The following COP1 variants were observed in gnomAD, a reference collection of about 807,000 sequenced individuals.
COP1 encodes the protein COP1 E3 ubiquitin ligase, also known as E3 ubiquitin-protein ligase COP1.
In COP1, 24 loss-of-function variants were observed where a neutral mutation model predicts 101.3. That is an observed-to-expected ratio of 0.24 (90% CI 0.17 to 0.33). The LOEUF (loss-of-function observed/expected upper bound fraction) is 0.33. Ranked by LOEUF, COP1 falls within the 10% of genes least tolerant of loss-of-function variation. COP1 has a pLI of 1.00. For missense variants in COP1, 663 were observed against 906.2 expected (o/e 0.73, Z 3.45); for synonymous variants, 347 against 341.9 (o/e 1.01, Z -0.17).
intron 11 of COP1, among the ~76,000 whole-genome samples, chr1:176,072,064 T>C (rs571453982): frequency 8.3e-4 from 126 of 152,354 alleles, no homozygotes; most frequent in African/African-American, 3.0e-3. Context: ...TTTTGAATCA[T>C]GTATGTTTTG....
intron 9 of COP1, among the ~76,000 whole-genome samples, chr1:176,112,598 T>A (rs1192197441): frequency 6.6e-6 from 1 of 152,350 alleles, no homozygotes; most frequent in Non-Finnish European, 1.5e-5. Context: ...TATTCTGAAA[T>A]ATACAATAAA....
At chr1:176,012,087 G>A (rs1332259603) in intron 15 of COP1, among the ~76,000 whole-genome samples, 1 of 152,200 alleles carries the variant, frequency 6.6e-6, no homozygotes. Context: ...GGGAGGTTGA[G>A]GCAGGAGGAC....
chr1:175,949,939 G>C (rs1303536257), intron 18 of COP1, among the ~76,000 whole-genome samples: 2 of 151,958 alleles, frequency 1.3e-5, no homozygotes, highest in Admixed American at 1.3e-4. Flanking sequence ...AGCAAAACTA[G>C]GAAAATTGTA....
At chr1:175,948,454 A>C (rs1367497711) in intron 18 of COP1, among the ~76,000 whole-genome samples, 1 of 152,248 alleles carries the variant, frequency 6.6e-6, no homozygotes, top group Non-Finnish European at 1.5e-5. Flanking sequence ...TGAATGTAGG[A>C]TAGGATCTAC....
chr1:176,175,596 C>A (rs1696820689), intron 3 of COP1, among the ~76,000 whole-genome samples: 1 of 152,218 alleles, frequency 6.6e-6, no homozygotes, highest in African/African-American at 2.4e-5. Flanking sequence ...TGCTCGCTCA[C>A]CTGCCAGCCC....
intron 18 of COP1, among the ~76,000 whole-genome samples, chr1:175,986,297 G>A (rs1257507314): frequency 1.3e-5 from 2 of 152,094 alleles, no homozygotes; most frequent in South Asian, 2.1e-4. Flanking sequence ...GGGATTACAG[G>A]TGTGAGCCAC....
At chr1:175,992,762 G>C (rs1658924341) in intron 15 of COP1, among the ~76,000 whole-genome samples, 1 of 152,220 alleles carries the variant, frequency 6.6e-6, no homozygotes, top group Admixed American at 6.5e-5. Flanking sequence ...ACTGGATGGA[G>C]CCCACCACAG....
At chr1:175,998,770 T>C (rs1660900796) in intron 15 of COP1, among the ~76,000 whole-genome samples, 1 of 152,116 alleles carries the variant, frequency 6.6e-6, no homozygotes, top group Non-Finnish European at 1.5e-5. Context: ...ATACACATTT[T>C]TGGTGTATTC....
intron 9 of COP1, among the ~76,000 whole-genome samples, chr1:176,088,290 C>T (rs1680603483): frequency 5.9e-5 from 9 of 151,674 alleles, no homozygotes; most frequent in Admixed American, 5.9e-4. Flanking sequence ...ACATACAAAA[C>T]AGAATGAATC....
At chr1:176,099,552 C>A (rs1440404548) in intron 9 of COP1, among the ~76,000 whole-genome samples, 1 of 149,828 alleles carries the variant, frequency 6.7e-6, no homozygotes, top group African/African-American at 2.5e-5. Flanking sequence ...CCTGGCTTCT[C>A]CAGAATTTGG....
intron 2 of COP1, among the ~76,000 whole-genome samples, chr1:176,180,674 TATAA>T (rs1558271101): frequency 6.6e-6 from 1 of 152,226 alleles, no homozygotes; most frequent in Non-Finnish European, 1.5e-5. Flanking sequence ...TGCTAACAAA[TATAA>T]ATATCTTTTT....
chr1:175,988,292 A>G lies in COP1; in HGVS notation c.1968T>C (p.Ala656=), dbSNP rs772404761. 4 of 1,605,080 alleles carry G rather than the reference A, an allele frequency of 2.5e-6. No homozygotes were observed. The South Asian group carries it at 3.3e-5, about 13-fold the overall frequency. ...GGAAACGATGGTTTCACTTACCACAAGCTATATAATCTCCATTGGAAGCCA... is the reference window on the plus strand; with the variant it reads ...GGAAACGATGGTTTCACTTACCACAGGCTATATAATCTCCATTGGAAGCCA... ...VGLASNGDYI[A]CGSENNSLYL... Residue 656 remains alanine (A), a synonymous_variant, in exon 17 of 20, where the codon GCT becomes GCC. Coordinates refer to ENST00000367669, the MANE Select transcript of COP1 (RefSeq NM_022457.7).
intron 9 of COP1, 46 bp downstream of exon 9, chr1:176,116,578 T>A: frequency 7.1e-7 from 1 of 1,416,678 alleles, no homozygotes; most frequent in Non-Finnish European, 9.9e-7. Context: ...ATAACTCAGA[T>A]AATTATACTC....
rs1257420684 is a variant in COP1 at position 176,085,833 on chromosome 1, C to T, written c.1084G>A (p.Ala362Thr). ...CACTGCTCCAAGTCTTCAAAATGAG[C>T]AGTAAGTCGTTTTCGTCTTGATGCT... ...TLASRRKRLT[A>T]HFEDLEQCYF... is the part of the protein sequence containing the mutation. The change falls in exon 10 of 20, where the codon GCT becomes ACT. Residue 362 changes from alanine (A) to threonine (T), a missense_variant. Transcript: ENST00000367669. 13 of 1,607,918 alleles carry T rather than the reference C, an allele frequency of 8.1e-6. No homozygotes were observed. The highest frequency in any genetic ancestry group is 1.3e-5 in the African/African-American group (1 of 74,850).
intron 1 of COP1, among the ~76,000 whole-genome samples, chr1:176,198,467 G>A (rs1050047795): frequency 6.6e-6 from 1 of 152,132 alleles, no homozygotes; most frequent in African/African-American, 2.4e-5. Context: ...CTAACTTGAA[G>A]TGGATCATAA....
chr1:176,167,895 T>C (rs1191335049), intron 3 of COP1, among the ~76,000 whole-genome samples: 1 of 152,160 alleles, frequency 6.6e-6, no homozygotes, highest in East Asian at 1.9e-4. Context: ...AAGGATTGAC[T>C]TCATGTACAT....
chr1:176,168,448 A>G, intron 3 of COP1, among the ~76,000 whole-genome samples: 1 of 130,610 alleles, frequency 7.7e-6, no homozygotes, highest in Non-Finnish European at 1.6e-5. Context: ...AAGAAAGGGA[A>G]GAAGGAAGCG....
Position 176,097,236 on chromosome 1 carries a change from A to AT in COP1, c.1027-11347_1027-11346insA, listed in dbSNP as rs1430034013. On this transcript the variant is annotated intron_variant, in intron 9 of 19. Transcript: ENST00000367669. Reference sequence around the variant, plus strand: ...AGGACCTTGTTTTGTTGAAAAAAAAACGACTGAATTATTTTTCTCCATTTT... The same window carrying AT: ...AGGACCTTGTTTTGTTGAAAAAAAAATCGACTGAATTATTTTTCTCCATTTT... 2.6e-5 allele frequency among the ~76,000 whole-genome samples: 4 copies of AT among 152,138 alleles called. No homozygotes were observed. The East Asian group carries it at 5.8e-4, about 22-fold the overall frequency.
chr1:176,008,968 T>G (rs1557912375), intron 15 of COP1, among the ~76,000 whole-genome samples: 1 of 152,238 alleles, frequency 6.6e-6, no homozygotes, highest in Non-Finnish European at 1.5e-5. Context: ...CTTTCAGAGC[T>G]TAAATCTGCC....
Sources: gnomAD v4.1 joint callset for allele counts (sites outside exome capture counted in the v4.1 genomes callset) on GRCh38, gnomAD v4.1.1 for gene constraint, MANE v1.5 for transcripts, NCBI Gene and HGNC (gene_info 2026-07-23, HGNC 2026-07-21) for gene names.